Variants in NCKAP5 observed in about 807,000 individuals in gnomAD.
NCKAP5 encodes the protein nck-associated protein 5.
NCKAP5 carries 92 observed loss-of-function variants against 167.0 expected under a neutral mutation model. The observed-to-expected ratio is 0.55, with a 90% CI of 0.47 to 0.66. NCKAP5 has a LOEUF of 0.66. Among genes scored for constraint, NCKAP5 ranks in the 30% least tolerant of loss-of-function variants. NCKAP5 has a pLI of 0.00. For missense variants in NCKAP5, 2,378 were observed against 2,315.0 expected, an observed-to-expected ratio of 1.03 and a Z score of -0.56; for synonymous variants, 891 against 877.4, an observed-to-expected ratio of 1.02 and a Z score of -0.27.
At position 132,828,729 on chromosome 2, in the gene NCKAP5, C is replaced by T. The variant is rs189904718; in HGVS notation, c.807+31763G>A. 2.0e-3 allele frequency among the ~76,000 whole-genome samples: 305 copies of T among 152,270 alleles called. 3 individuals are homozygous for T. Among genetic ancestry groups the T allele is most frequent in the African/African-American group, 6.6e-3 (275 of 41,534 alleles). On this transcript the variant is annotated intron_variant, in intron 11 of 19. Coordinates refer to ENST00000409261, the MANE Select transcript of NCKAP5 (RefSeq NM_207363.3). ...TATTATCATGGGTCACTTCAGAGTG[C>T]GTGTGCTTGGTCTAATCCCAGAAGG...
At chr2:133,340,556 C>G (rs960656593) in intron 3 of NCKAP5, among the ~76,000 whole-genome samples, 3 of 152,234 alleles carry the variant, frequency 2.0e-5, no homozygotes, top group Admixed American at 2.0e-4. Flanking sequence ...GCTCTGGATA[C>G]CCCCTGACAA....
intron 11 of NCKAP5, among the ~76,000 whole-genome samples, chr2:132,847,902 T>A (rs1688789102): frequency 6.6e-6 from 1 of 152,162 alleles, no homozygotes; most frequent in Non-Finnish European, 1.5e-5. Flanking sequence ...AAGGATTGAT[T>A]GGGAAGAGAA....
At chr2:132,752,713 G>C (rs928256961) in intron 16 of NCKAP5, among the ~76,000 whole-genome samples, 1 of 152,184 alleles carries the variant, frequency 6.6e-6, no homozygotes, top group Non-Finnish European at 1.5e-5. Flanking sequence ...ACCAATAGAA[G>C]ATGTGTGTAT....
intron 3 of NCKAP5, among the ~76,000 whole-genome samples, chr2:133,400,443 G>A (rs1688026107): frequency 6.6e-6 from 1 of 152,176 alleles, no homozygotes. Flanking sequence ...AAAGATAAGT[G>A]TCCTTTTTAG....
chr2:133,159,603 G>A (rs909735428), intron 5 of NCKAP5, among the ~76,000 whole-genome samples: 1 of 152,166 alleles, frequency 6.6e-6, no homozygotes. Flanking sequence ...CAATATGCAG[G>A]GTTGGTGAGA....
intron 16 of NCKAP5, among the ~76,000 whole-genome samples, chr2:132,756,974 A>C (rs1339730555): frequency 6.6e-6 from 1 of 152,204 alleles, no homozygotes. Flanking sequence ...AAATTCCTCC[A>C]GCTTTTATAA....
In NCKAP5 at chr2:133,203,818, C is replaced by T. The variant is rs181235496; in HGVS notation, c.207+9898G>A. ...CTAGGAAAATCTAAAGGTTTCAAACCATTCCAACTTTTGAAAGATAGTTTA... is the reference window on the plus strand; with the variant it reads ...CTAGGAAAATCTAAAGGTTTCAAACTATTCCAACTTTTGAAAGATAGTTTA... On this transcript the variant is annotated intron_variant, in intron 5 of 19. Coordinates refer to ENST00000409261, the MANE Select transcript of NCKAP5 (RefSeq NM_207363.3). 4.4e-3 allele frequency among the ~76,000 whole-genome samples: 671 copies of T among 152,202 alleles called. 2 individuals are homozygous for T. Among genetic ancestry groups the T allele is most frequent in the African/African-American group, 0.015 (607 of 41,540 alleles).
chr2:133,311,725 G>A (rs778955946), intron 3 of NCKAP5, among the ~76,000 whole-genome samples: 3 of 152,100 alleles, frequency 2.0e-5, no homozygotes, highest in Admixed American at 6.6e-5. Context: ...AATAAGAAAC[G>A]TTTTAGGATC....
At chr2:132,856,117 T>C (rs1441345895) in intron 11 of NCKAP5, among the ~76,000 whole-genome samples, 1 of 152,158 alleles carries the variant, frequency 6.6e-6, no homozygotes, top group African/African-American at 2.4e-5. Flanking sequence ...AGACCACTGA[T>C]ACTACATGAA....
intron 5 of NCKAP5, among the ~76,000 whole-genome samples, chr2:133,206,260 T>C (rs2085947826): frequency 6.6e-6 from 1 of 152,164 alleles, no homozygotes; most frequent in Admixed American, 6.6e-5. Flanking sequence ...TTATCAAATA[T>C]TTTATACTAT....
chr2:132,828,123 C>T (rs1388665320), intron 11 of NCKAP5, among the ~76,000 whole-genome samples: 1 of 152,134 alleles, frequency 6.6e-6, no homozygotes, highest in Non-Finnish European at 1.5e-5. Context: ...AAGAACAGTC[C>T]TCGCCAGACT....
chr2:132,784,570 A>G lies in NCKAP5; in HGVS notation c.2241T>C (p.Asn747=). 6.3e-7 allele frequency: 1 copy of G among 1,584,898 alleles called. No homozygotes were observed. Among genetic ancestry groups the G allele is most frequent in the South Asian group, 1.2e-5 (1 of 86,560 alleles). ...EDTEKNIPKD[N]VDNVPRVSTE... is the part of the protein sequence containing the mutation. ...TGGACACCCTGGGAACATTATCTAC[A>G]TTATCTTTTGGAATGTTTTTCTCAG... Residue 747 remains asparagine, a synonymous_variant, in exon 14 of 20, where the codon AAT becomes AAC. Coordinates refer to ENST00000409261, the MANE Select transcript of NCKAP5 (RefSeq NM_207363.3).
intron 3 of NCKAP5, among the ~76,000 whole-genome samples, chr2:133,386,846 T>C (rs1687006767): frequency 6.6e-6 from 1 of 152,228 alleles, no homozygotes; most frequent in South Asian, 2.1e-4. Context: ...TAGTCTGTTT[T>C]ATCAGAGACT....
intron 6 of NCKAP5, among the ~76,000 whole-genome samples, chr2:133,051,416 A>C (rs2079603187): frequency 6.6e-6 from 1 of 152,184 alleles, no homozygotes; most frequent in Admixed American, 6.5e-5. Context: ...TTGCCAGATG[A>C]AACATTTAGT....
rs1021210262 is a variant in NCKAP5 at position 133,026,368 on chromosome 2, C to G, written c.342-32129G>C. Reference sequence around the variant, plus strand: ...CATCTAAAGTCACAGTCAACTAAATCTGTTCTAGTGTTTTTTTTTTTTTTT... The same window carrying G: ...CATCTAAAGTCACAGTCAACTAAATGTGTTCTAGTGTTTTTTTTTTTTTTT... On this transcript the variant is annotated intron_variant, in intron 6 of 19. Coordinates refer to ENST00000409261, the MANE Select transcript of NCKAP5 (RefSeq NM_207363.3). 2.9e-4 allele frequency among the ~76,000 whole-genome samples: 39 copies of G among 133,986 alleles called. No individual in the cohort carries two copies. In the East Asian group the frequency reaches 4.7e-3, roughly 16 times the overall value. The allele number at this position is 133,986 out of a possible 152,430, so 87.9% of individuals were successfully genotyped here.
At chr2:133,081,024 A>C (rs2080785866) in intron 6 of NCKAP5, among the ~76,000 whole-genome samples, 1 of 152,136 alleles carries the variant, frequency 6.6e-6, no homozygotes, top group Non-Finnish European at 1.5e-5. Flanking sequence ...CACAGTGTGG[A>C]GATACCAGGT....
intron 14 of NCKAP5, 27 bp downstream of exon 14, chr2:132,781,913 T>A (rs1288186579): frequency 1.3e-6 from 2 of 1,588,620 alleles, no homozygotes; most frequent in Admixed American, 3.5e-5. Flanking sequence ...CCCCTCTACA[T>A]TGCTACCTGC....
intron 3 of NCKAP5, among the ~76,000 whole-genome samples, chr2:133,312,281 C>T (rs556691167): frequency 4.3e-4 from 66 of 152,268 alleles, no homozygotes; most frequent in Middle Eastern, 6.8e-3. Flanking sequence ...TAGACTAATG[C>T]CGATCAGACT....
intron 3 of NCKAP5, among the ~76,000 whole-genome samples, chr2:133,429,050 G>T (rs1353418912): frequency 6.6e-6 from 1 of 152,096 alleles, no homozygotes; most frequent in African/African-American, 2.4e-5. Context: ...GACCACATAG[G>T]ATTTATGCCC....
Sources: gnomAD v4.1 joint callset for allele counts (sites outside exome capture counted in the v4.1 genomes callset) on GRCh38, gnomAD v4.1.1 for gene constraint, MANE v1.5 for transcripts, NCBI Gene and HGNC (gene_info 2026-07-23, HGNC 2026-07-21) for gene names.